The following SOX6 variants were observed in gnomAD, a reference collection of about 807,000 sequenced individuals.
SOX6 encodes the protein transcription factor SOX-6.
In SOX6, 11 loss-of-function variants were observed where a neutral mutation model predicts 97.8. The ratio of observed to expected loss-of-function variants is 0.11; its 90% CI spans 0.07 to 0.19. The LOEUF (loss-of-function observed/expected upper bound fraction) is 0.19. Ranked by LOEUF, SOX6 falls within the 10% of genes least tolerant of loss-of-function variation. SOX6 has a pLI of 1.00. For missense variants in SOX6, 810 were observed against 1,039.5 expected, an observed-to-expected ratio of 0.78 and a Z score of 3.04; for synonymous variants, 360 against 371.4, an observed-to-expected ratio of 0.97 and a Z score of 0.35.
At chr11:16,453,380 T>C (rs1859756531) in intron 1 of SOX6, among the ~76,000 whole-genome samples, 1 of 152,146 alleles carries the variant, frequency 6.6e-6, no homozygotes, top group Non-Finnish European at 1.5e-5. Flanking sequence ...ATAACCCCTG[T>C]GTAGTACCCA....
At chr11:16,058,957 T>C (rs779509009) in intron 9 of SOX6, among the ~76,000 whole-genome samples, 1 of 152,106 alleles carries the variant, frequency 6.6e-6, no homozygotes, top group African/African-American at 2.4e-5. Flanking sequence ...CTGTCTACAG[T>C]TCCACCTTTT....
chr11:16,014,114 C>T (rs1205717700), intron 13 of SOX6, among the ~76,000 whole-genome samples: 1 of 152,028 alleles, frequency 6.6e-6, no homozygotes, highest in African/African-American at 2.4e-5. Flanking sequence ...AGTCTCTACT[C>T]TGTGATGACA....
intron 9 of SOX6, among the ~76,000 whole-genome samples, chr11:16,074,001 A>T (rs1252000862): frequency 6.6e-6 from 1 of 152,196 alleles, no homozygotes; most frequent in Admixed American, 6.5e-5. Flanking sequence ...ACAGATCTCA[A>T]ATTAACAACC....
At chr11:16,394,618 C>T (rs1018908788) in intron 1 of SOX6, among the ~76,000 whole-genome samples, 30 of 151,846 alleles carry the variant, frequency 2.0e-4, no homozygotes, top group Admixed American at 3.9e-4. Context: ...TGAAGAAAAA[C>T]AAAAGCGTCT....
intron 2 of SOX6, among the ~76,000 whole-genome samples, chr11:16,339,262 C>A (rs1168317050): frequency 6.6e-6 from 1 of 151,962 alleles, no homozygotes; most frequent in Non-Finnish European, 1.5e-5. Context: ...GAACTTAGAT[C>A]AAATCTCACA....
At chr11:16,526,114 C>G (rs1006616072) in intron 4 of SOX6, among the ~76,000 whole-genome samples, 1 of 152,122 alleles carries the variant, frequency 6.6e-6, no homozygotes. Context: ...TACCATTTGA[C>G]CCAGCCATCC....
At chr11:16,679,521 G>C (rs538697033) in intron 3 of SOX6, among the ~76,000 whole-genome samples, 1 of 152,320 alleles carries the variant, frequency 6.6e-6, no homozygotes, top group East Asian at 1.9e-4. Flanking sequence ...AACCAGAGCA[G>C]AAAAGCTGAA....
At chr11:16,121,812 C>T (rs1849496082) in intron 6 of SOX6, among the ~76,000 whole-genome samples, 1 of 151,844 alleles carries the variant, frequency 6.6e-6, no homozygotes, top group South Asian at 2.1e-4. Flanking sequence ...ATAGAATATC[C>T]TGGCCATAAA....
chr11:16,334,042 G>A (rs1428528664), intron 2 of SOX6, among the ~76,000 whole-genome samples: 1 of 152,036 alleles, frequency 6.6e-6, no homozygotes, highest in Non-Finnish European at 1.5e-5. Context: ...CAAATTGTGA[G>A]TGTCAGTGAT....
intron 4 of SOX6, among the ~76,000 whole-genome samples, chr11:16,548,428 A>G (rs1018222012): frequency 3.0e-4 from 45 of 152,170 alleles, no homozygotes; most frequent in Non-Finnish European, 6.0e-4. Context: ...TTGGAGCTCC[A>G]TAGGCAAAAC....
chr11:16,517,589 T>G (rs1860993563), intron 4 of SOX6, among the ~76,000 whole-genome samples: 1 of 152,180 alleles, frequency 6.6e-6, no homozygotes, highest in South Asian at 2.1e-4. Flanking sequence ...ATGCTAGCAA[T>G]GCAGTTTCAA....
rs1849239981 is a variant in SOX6, at chr11:16,111,901, A to G, written c.800T>C (p.Leu267Pro). ...QIQVQGHMPP[L>P]MIPIFPHDQR... ...GTCATGTGGAAAAATTGGGATCATG[A>G]GCGGAGGCATGTGACCCTGAACCTG... The change falls in exon 7 of 16, where the codon CTC (leucine) becomes CCC (proline). Residue 267 changes from leucine (L) to proline (P), a missense_variant. Transcript: ENST00000683767. The G allele has an allele frequency of 6.2e-7, 1 of 1,612,420 alleles. No individual in the cohort carries two copies. The highest frequency in any genetic ancestry group is 2.2e-5 in the East Asian group (1 of 44,850).
At chr11:16,035,933 G>A (rs898128705) in intron 12 of SOX6, among the ~76,000 whole-genome samples, 1 of 152,160 alleles carries the variant, frequency 6.6e-6, no homozygotes, top group Non-Finnish European at 1.5e-5. Flanking sequence ...ACAGGACTGA[G>A]TGCCAGAGAG....
intron 13 of SOX6, among the ~76,000 whole-genome samples, chr11:16,005,270 G>A (rs7924380): frequency 6.6e-5 from 10 of 151,814 alleles, no homozygotes; most frequent in Admixed American, 1.3e-4. Context: ...TATTTCAAAA[G>A]GTTCTCTACG....
intron 4 of SOX6, among the ~76,000 whole-genome samples, chr11:16,529,860 T>G (rs913525159): frequency 1.3e-5 from 2 of 152,040 alleles, no homozygotes; most frequent in African/African-American, 4.8e-5. Flanking sequence ...TATGTGTCTG[T>G]GCACACCCAG....
At chr11:16,175,903 A>T in intron 6 of SOX6, among the ~76,000 whole-genome samples, 1 of 152,030 alleles carries the variant, frequency 6.6e-6, no homozygotes, top group Non-Finnish European at 1.5e-5. Flanking sequence ...TATTAGAAAA[A>T]CTAACTAAAT....
At chr11:16,122,615 T>C (rs1467656980) in intron 6 of SOX6, among the ~76,000 whole-genome samples, 1 of 151,988 alleles carries the variant, frequency 6.6e-6, no homozygotes, top group Non-Finnish European at 1.5e-5. Context: ...CCTTATTCTG[T>C]TAGCAATGAC....
At chr11:16,159,312 A>C (rs984019140) in intron 6 of SOX6, among the ~76,000 whole-genome samples, 1 of 152,126 alleles carries the variant, frequency 6.6e-6, no homozygotes, top group African/African-American at 2.4e-5. Flanking sequence ...TTGAGGATTC[A>C]AGACTTTAGG....
chr11:16,073,877 A>G (rs1328673173), intron 9 of SOX6, among the ~76,000 whole-genome samples: 2 of 152,162 alleles, frequency 1.3e-5, no homozygotes, highest in Non-Finnish European at 2.9e-5. Context: ...GAAATCAAGA[A>G]ATTCCTTGAA....
Sources: gnomAD v4.1 joint callset for allele counts (sites outside exome capture counted in the v4.1 genomes callset) on GRCh38, gnomAD v4.1.1 for gene constraint, MANE v1.5 for transcripts, NCBI Gene and HGNC (gene_info 2026-07-23, HGNC 2026-07-21) for gene names.